The following UBE2O variants were observed in gnomAD, a reference collection of about 807,000 sequenced individuals.
The protein encoded by UBE2O is (E3-independent) E2 ubiquitin-conjugating enzyme.
In UBE2O, 15 loss-of-function variants were observed where a neutral mutation model predicts 125.8. The ratio of observed to expected loss-of-function variants is 0.12; its 90% CI spans 0.08 to 0.18. The LOEUF (loss-of-function observed/expected upper bound fraction) is 0.18. Ranked by LOEUF, UBE2O falls within the 10% of genes least tolerant of loss-of-function variation. The probability of loss-of-function intolerance (pLI) is 1.00; values close to 1 mark genes in which losing one functional copy is unlikely to be tolerated. For synonymous variants in UBE2O, 708 were observed against 703.2 expected, an observed-to-expected ratio of 1.01 and a Z score of -0.11; for missense variants, 1,280 against 1,723.6, an observed-to-expected ratio of 0.74 and a Z score of 4.56.
Position 76,396,155 on chromosome 17 carries a change from C to T in UBE2O, c.2782G>A (p.Val928Ile). 1.2e-6 allele frequency: 2 copies of T among 1,612,834 alleles called. No individual in the cohort carries two copies. The highest frequency in any genetic ancestry group is 1.1e-5 in the South Asian group (1 of 90,926). Residue 928 changes from valine (V) to isoleucine (I), a missense_variant, in exon 14 of 18, where the codon GTC (valine) becomes ATC (isoleucine). This residue lies in a region of UBE2O where 116 missense variants were observed against 154.8 expected (regional missense o/e 0.75). Transcript: ENST00000319380. The surrounding 1 kb of genome is among the most constrained non-coding windows in gnomAD (Gnocchi z 6.7). ...GVTFTSAKGEVFSVLEFAPSN... is the reference protein window; with the variant it reads ...GVTFTSAKGEIFSVLEFAPSN... ...GGTGCAAACTCCAGTACGGAGAAGACCTCGCCCTTGGCGCTGGTGAAGGTG... is the reference window on the plus strand; with the variant it reads ...GGTGCAAACTCCAGTACGGAGAAGATCTCGCCCTTGGCGCTGGTGAAGGTG...
rs887156277 is a variant in UBE2O, at chr17:76,395,778, G to A, written c.2893C>T (p.Leu965=). 1 of 1,614,238 alleles carries A rather than the reference G, an allele frequency of 6.2e-7. No individual in the cohort carries two copies. The change falls in exon 15 of 18, where the codon CTG becomes TTG. Residue 965 remains leucine (L), a synonymous_variant. Transcript: ENST00000319380. This position sits in a 1 kb window ranked among gnomAD's most constrained non-coding sequence, Gnocchi z 5.0. The part of the protein sequence containing the change: ...FSTVRKEMAL[L]ATSLPEGIMV... The stretch of plus-strand genomic sequence containing the variant: ...ATGCCCTCAGGCAGTGAGGTAGCCA[G>A]CAGCGCCATCTCCTTCCGCACTGTG...
intron 1 of UBE2O, among the ~76,000 whole-genome samples, chr17:76,427,415 TTCAA>T: frequency 6.6e-6 from 1 of 152,388 alleles, no homozygotes; most frequent in Middle Eastern, 3.4e-3. Flanking sequence ...CTTTTAGCCC[TTCAA>T]TCACTTTAGA....
chr17:76,452,826 C>A lies in UBE2O; in HGVS notation c.316G>T (p.Gly106Cys), dbSNP rs1345144244. The stretch of plus-strand genomic sequence containing the variant: ...GCCCGGCCCTCCTCGTGGCCCGCGC[C>A]CCCGGCCTCGGAGCACCCCGAGCTC... ...RGSSGCSEAG[G>C]AGHEEGRASP... is the part of the protein sequence containing the mutation. The change falls in exon 1 of 18, where the codon GGC becomes TGC. Residue 106 changes from glycine (G) to cysteine (C), a missense_variant. By Grantham distance (159) the Gly-to-Cys change is radical. Transcript: ENST00000319380. This position sits in a 1 kb window ranked among gnomAD's most constrained non-coding sequence, Gnocchi z 4.4. The A allele has an allele frequency of 4.6e-6, 7 of 1,506,500 alleles. No individual in the cohort carries two copies. The East Asian group carries it at 2.0e-4, about 43-fold the overall frequency. 93.3% of individuals were successfully genotyped at this position (1,506,500 alleles called of 1,614,324 possible).
chr17:76,414,089 CAGA>C (rs1318987819), intron 1 of UBE2O, among the ~76,000 whole-genome samples: 8 of 152,142 alleles, frequency 5.3e-5, no homozygotes, highest in Non-Finnish European at 1.0e-4. Context: ...CACCTGAGGA[CAGA>C]AGGTTTTACC....
At position 76,402,255 on chromosome 17, in the gene UBE2O, C is replaced by A. The variant is rs1302507449; in HGVS notation, c.687-128G>T. 3 of 821,758 alleles carry A rather than the reference C, an allele frequency of 3.7e-6. No individual in the cohort carries two copies. Among genetic ancestry groups the A allele is most frequent in the Non-Finnish European group, 5.8e-6 (3 of 516,830 alleles). 50.9% of individuals were successfully genotyped at this position (821,758 alleles called of 1,614,324 possible). A position where few individuals can be genotyped will look rare whatever the true frequency, so the allele number is the denominator to read the frequency against. On this transcript the variant is annotated intron_variant, in intron 4 of 17. Transcript: ENST00000319380. The surrounding 1 kb of genome is among the most constrained non-coding windows in gnomAD (Gnocchi z 5.4). ...AATTCGTCTTCTACCATCAACTCAG[C>A]CCGAGGTAGTACAAGAAACTCTCCC...
chr17:76,423,896 C>T (rs201557543), intron 1 of UBE2O, among the ~76,000 whole-genome samples: 215 of 83,414 alleles, frequency 2.6e-3, no homozygotes, highest in South Asian at 4.3e-3. Flanking sequence ...AGGTTGGGTT[C>T]TTTTTTTTTT....
At chr17:76,406,689 G>A (rs1247146981) in intron 1 of UBE2O, among the ~76,000 whole-genome samples, 1 of 119,256 alleles carries the variant, frequency 8.4e-6, no homozygotes, top group Non-Finnish European at 1.7e-5. Flanking sequence ...ATGAGCCCAA[G>A]TTGTTTTTTT....
intron 1 of UBE2O, among the ~76,000 whole-genome samples, chr17:76,422,290 T>C (rs888984748): frequency 4.6e-5 from 7 of 152,094 alleles, no homozygotes; most frequent in Admixed American, 1.3e-4. Context: ...GGAGAGGGCA[T>C]GGGCAAAGGG....
rs188847813 is a variant in UBE2O at position 76,407,613 on chromosome 17, A to G, written c.418-2041T>C. Among the ~76,000 whole-genome samples, 60 of 152,334 alleles carry G rather than the reference A, an allele frequency of 3.9e-4. 1 individual carries two copies. The East Asian group carries it at 5.2e-3, about 13-fold the overall frequency. On this transcript the variant is annotated intron_variant, in intron 1 of 17. Coordinates refer to ENST00000319380, the MANE Select transcript of UBE2O (RefSeq NM_022066.4). ...AAGAACGCAGACACAGACCTAAATC[A>G]GTGCCGTCACTGATGAAACACCCTG... is the stretch of plus-strand genomic sequence containing the variant.
At chr17:76,448,742 C>T (rs568545189) in intron 1 of UBE2O, among the ~76,000 whole-genome samples, 1 of 152,262 alleles carries the variant, frequency 6.6e-6, no homozygotes, top group Non-Finnish European at 1.5e-5. Flanking sequence ...GGGGGCTGTT[C>T]TGCCCAACCA....
In UBE2O at chr17:76,399,642, C is replaced by T. The variant is rs1351649575; in HGVS notation, c.1435G>A (p.Asp479Asn). The change falls in exon 9 of 18, where the codon GAC becomes AAC. Residue 479 changes from aspartate (D) to asparagine (N), a missense_variant. By Grantham distance (23) the Asp-to-Asn change is conservative (BLOSUM62 1). Coordinates refer to ENST00000319380, the MANE Select transcript of UBE2O (RefSeq NM_022066.4). The surrounding 1 kb of genome is among the most constrained non-coding windows in gnomAD (Gnocchi z 6.9). ...TCATCAGCAGCCTCATCATCTGCGT[C>T]CTGCTCTGCCGAGTGCAGCCTGTCA... ...RDDRLHSAEQ[D>N]ADDEAADDTD... 1 of 1,614,188 alleles carries T rather than the reference C, an allele frequency of 6.2e-7. No individual in the cohort carries two copies. Among genetic ancestry groups the T allele is most frequent in the South Asian group, 1.1e-5 (1 of 91,088 alleles).
Position 76,396,813 on chromosome 17 carries a change from G to A in UBE2O, c.2124C>T (p.Tyr708=). 6.3e-7 allele frequency: 1 copy of A among 1,589,584 alleles called. No individual in the cohort carries two copies. The part of the protein sequence containing the change: ...SKTIILPQHL[Y]NIESEIEESD... ...ACTCCTCAATCTCAGACTCTATGTT[G>A]TACAAGTGCTGGGGGCAGAAGGGAA... is the stretch of plus-strand genomic sequence containing the variant. The change falls in exon 14 of 18, where the codon TAC becomes TAT. Residue 708 remains tyrosine (Y), a synonymous_variant. Transcript: ENST00000319380. The surrounding 1 kb of genome is among the most constrained non-coding windows in gnomAD (Gnocchi z 6.7).
Position 76,433,713 on chromosome 17 carries a change from G to GA in UBE2O, c.417+19011dup, listed in dbSNP as rs905167407. Among the ~76,000 whole-genome samples, 678 of 135,708 alleles carry GA rather than the reference G, an allele frequency of 5.0e-3. 3 individuals carry two copies. Among genetic ancestry groups the GA allele is most frequent in the African/African-American group, 0.016 (576 of 37,022 alleles). The allele number at this position is 135,708 out of a possible 152,430, so 89.0% of individuals were successfully genotyped here. A position where few individuals can be genotyped will look rare whatever the true frequency, so the allele number is the denominator to read the frequency against. ...GGTGACAGAGCGAGACTCCATCTCA[G>GA]AAAAAAAAAAAAGAGAGAGAGAGAT... is the stretch of plus-strand genomic sequence containing the variant. On this transcript the variant is annotated intron_variant, in intron 1 of 17. Transcript: ENST00000319380.
At chr17:76,420,505 C>G (rs1042265642) in intron 1 of UBE2O, among the ~76,000 whole-genome samples, 1 of 152,128 alleles carries the variant, frequency 6.6e-6, no homozygotes, top group Non-Finnish European at 1.5e-5. Flanking sequence ...ACCGAGCAAC[C>G]CTACATGCAG....
chr17:76,436,140 A>C (rs186400397), intron 1 of UBE2O, among the ~76,000 whole-genome samples: 71 of 152,268 alleles, frequency 4.7e-4, no homozygotes, highest in African/African-American at 1.6e-3. Flanking sequence ...CCAGCTACTC[A>C]GGAGGCTGAG....
chr17:76,414,586 T>C (rs2072568473), intron 1 of UBE2O, among the ~76,000 whole-genome samples: 1 of 152,196 alleles, frequency 6.6e-6, no homozygotes, highest in African/African-American at 2.4e-5. Flanking sequence ...ACTCTCAGGC[T>C]GGGCAATACA....
At chr17:76,416,132 C>T (rs77897154) in intron 1 of UBE2O, among the ~76,000 whole-genome samples, 1,611 of 148,242 alleles carry the variant, frequency 0.011, 21 homozygotes, top group African/African-American at 0.035. Flanking sequence ...CATATATGTG[C>T]GTGTATAGAT....
chr17:76,446,490 G>A (rs2073154843), intron 1 of UBE2O, among the ~76,000 whole-genome samples: 1 of 151,978 alleles, frequency 6.6e-6, no homozygotes, highest in African/African-American at 2.4e-5. Flanking sequence ...AAACAAAACA[G>A]AGAGAAACAG....
At chr17:76,430,651 C>G in intron 1 of UBE2O, 1 of 328,946 alleles carries the variant, frequency 3.0e-6, no homozygotes, top group South Asian at 2.4e-5. Flanking sequence ...TTGATTTTGC[C>G]ACGGCCATGC....
Sources: allele counts gnomAD v4.1 joint callset (sites outside exome capture counted in the v4.1 genomes callset), GRCh38; gene constraint gnomAD v4.1.1; regional missense constraint gnomAD v4.1.1; non-coding constraint Gnocchi (gnomAD v3.1); transcripts MANE v1.5; gene names NCBI Gene and HGNC (gene_info 2026-07-23, HGNC 2026-07-21).